Variants in CDK14 observed in about 807,000 individuals in gnomAD.
The protein encoded by CDK14 is cyclin dependent kinase 14.
In CDK14, 34 loss-of-function variants were observed where a neutral mutation model predicts 60.7. The observed-to-expected ratio is 0.56, with a 90% confidence interval of 0.43 to 0.75. The LOEUF (loss-of-function observed/expected upper bound fraction) is 0.75. Among genes scored for constraint, CDK14 ranks in the 30% least tolerant of loss-of-function variants. CDK14 has a pLI of 0.00. For missense variants in CDK14, 482 were observed against 564.1 expected (o/e 0.85, Z 1.47); for synonymous variants, 197 against 203.7 (o/e 0.97, Z 0.28).
At chr7:90,917,162 A>G (rs1793107237) in intron 7 of CDK14, among the ~76,000 whole-genome samples, 2 of 152,172 alleles carry the variant, frequency 1.3e-5, no homozygotes, top group Admixed American at 1.3e-4. Context: ...TACCATGTTC[A>G]TGTTGTTTCT....
intron 10 of CDK14, among the ~76,000 whole-genome samples, chr7:90,993,357 C>CT (rs1008665518): frequency 6.6e-6 from 1 of 151,920 alleles, no homozygotes; most frequent in African/African-American, 2.4e-5. Flanking sequence ...ATTTTATAAT[C>CT]TAAGTATTTT....
At chr7:90,769,336 T>A (rs778421437) in intron 4 of CDK14, among the ~76,000 whole-genome samples, 25 of 152,220 alleles carry the variant, frequency 1.6e-4, no homozygotes, top group Non-Finnish European at 2.9e-4. Flanking sequence ...CTAGGTAGTT[T>A]ATTCTTCTAA....
intron 2 of CDK14, among the ~76,000 whole-genome samples, chr7:90,643,175 G>C (rs1407196480): frequency 1.3e-5 from 2 of 152,208 alleles, no homozygotes; most frequent in Non-Finnish European, 2.9e-5. Context: ...GACAAAGAGA[G>C]GGCATTCCTG....
intron 11 of CDK14, among the ~76,000 whole-genome samples, chr7:91,077,425 A>C (rs1798357054): frequency 2.0e-5 from 3 of 152,044 alleles, no homozygotes; most frequent in African/African-American, 7.2e-5. Context: ...CTGACTCGTA[A>C]GTGGGAATTT....
chr7:90,596,695 T>C lies in CDK14; in HGVS notation c.68T>C (p.Leu23Ser). ...IGKMKKLRRTLSESFSRIALK... is the reference protein window; with the variant it reads ...IGKMKKLRRTSSESFSRIALK... ...AAGATGAAGAAGTTGCGGAGAACTT[T>C]GTCGGAGAGTTTCAGTCGCATTGGT... Residue 23 changes from leucine to serine, a missense_variant, in exon 1 of 15, where the codon TTG (leucine) becomes TCG (serine). Physicochemically the swap from Leu to Ser is moderately radical, Grantham distance 145. Coordinates refer to ENST00000380050, the MANE Select transcript of CDK14 (RefSeq NM_001287135.2). The C allele has an allele frequency of 6.2e-7, 1 of 1,611,958 alleles. No individual in the cohort carries two copies. The highest frequency in any genetic ancestry group is 8.5e-7 in the Non-Finnish European group (1 of 1,179,320).
intron 9 of CDK14, among the ~76,000 whole-genome samples, chr7:90,975,298 T>C (rs1795036264): frequency 6.6e-6 from 1 of 151,948 alleles, no homozygotes; most frequent in Non-Finnish European, 1.5e-5. Context: ...TGCCATAGAG[T>C]ATATTATATA....
chr7:90,789,178 C>A (rs1275610963), intron 4 of CDK14, among the ~76,000 whole-genome samples: 1 of 152,116 alleles, frequency 6.6e-6, no homozygotes, highest in Non-Finnish European at 1.5e-5. Flanking sequence ...ACATAGCTAT[C>A]AACAGAGGAC....
At chr7:90,733,423 AT>A (rs779220935) in intron 3 of CDK14, among the ~76,000 whole-genome samples, 1 of 150,714 alleles carries the variant, frequency 6.6e-6, no homozygotes, top group Non-Finnish European at 1.5e-5. Flanking sequence ...TCTGTCTGAT[AT>A]TAAAGTTTCC....
intron 2 of CDK14, among the ~76,000 whole-genome samples, chr7:90,651,910 C>T (rs767267984): frequency 2.2e-4 from 34 of 152,052 alleles, no homozygotes; most frequent in Non-Finnish European, 4.1e-4. Flanking sequence ...AGTACTTATT[C>T]CTATGTATTT....
At chr7:90,649,595 T>C (rs1023078289) in intron 2 of CDK14, among the ~76,000 whole-genome samples, 1 of 151,566 alleles carries the variant, frequency 6.6e-6, no homozygotes, top group African/African-American at 2.4e-5. Context: ...TTTCTCCTAA[T>C]GCTCTCCCTC....
At chr7:90,795,946 T>C (rs1213624835) in intron 5 of CDK14, among the ~76,000 whole-genome samples, 1 of 152,154 alleles carries the variant, frequency 6.6e-6, no homozygotes, top group Admixed American at 6.6e-5. Flanking sequence ...TAGGATCACA[T>C]TGAAGTTGTT....
chr7:90,923,835 G>A (rs1207458072), intron 8 of CDK14, among the ~76,000 whole-genome samples: 1 of 152,228 alleles, frequency 6.6e-6, no homozygotes, highest in East Asian at 1.9e-4. Flanking sequence ...CATACTGGAT[G>A]TAAGTTAAAA....
chr7:90,646,422 A>C (rs11563819), intron 2 of CDK14, among the ~76,000 whole-genome samples: 50,878 of 151,726 alleles, frequency 0.34, 9,358 homozygotes, highest in East Asian at 0.67. Context: ...TTAGTTGAAA[A>C]GTAGCTATAA....
chr7:91,156,238 T>A (rs1475944895), intron 14 of CDK14, among the ~76,000 whole-genome samples: 1 of 152,236 alleles, frequency 6.6e-6, no homozygotes, highest in Admixed American at 6.5e-5. Context: ...AATTTCCCTA[T>A]AGACCTGGTC....
At position 90,866,666 on chromosome 7, in the gene CDK14, C is replaced by CT. The variant is rs1183060185; in HGVS notation, c.639+3404dup. ...ATATGTACATACTACAAATGTATTT[C>CT]TTTTTTTGGCTTTAAAGGAGAACTG... On this transcript the variant is annotated intron_variant, in intron 6 of 14. Transcript: ENST00000380050. Among the ~76,000 whole-genome samples, 3 of 151,898 alleles carry CT rather than the reference C, an allele frequency of 2.0e-5. No individual in the cohort carries two copies. The South Asian group carries it at 6.2e-4, about 32-fold the overall frequency.
chr7:91,071,093 C>G (rs1194192894), intron 11 of CDK14, among the ~76,000 whole-genome samples: 2 of 151,882 alleles, frequency 1.3e-5, no homozygotes, highest in East Asian at 3.8e-4. Flanking sequence ...AAAATAAATT[C>G]CAGATAGTAA....
intron 2 of CDK14, among the ~76,000 whole-genome samples, chr7:90,656,323 C>T (rs571986241): frequency 6.6e-6 from 1 of 152,076 alleles, no homozygotes; most frequent in East Asian, 1.9e-4. Context: ...TGCATGGTAG[C>T]CCAGAATCTT....
chr7:91,014,785 C>A (rs985422709), intron 10 of CDK14, among the ~76,000 whole-genome samples: 2 of 152,174 alleles, frequency 1.3e-5, no homozygotes, highest in South Asian at 2.1e-4. Context: ...ATGGTGCACG[C>A]CCCAGCATGG....
intron 2 of CDK14, among the ~76,000 whole-genome samples, chr7:90,609,431 G>A (rs1300495797): frequency 6.6e-6 from 1 of 152,162 alleles, no homozygotes; most frequent in Non-Finnish European, 1.5e-5. Flanking sequence ...TGATTGGATT[G>A]TGGGGGTGGA....
Sources: allele counts gnomAD v4.1 joint callset (sites outside exome capture counted in the v4.1 genomes callset), GRCh38; gene constraint gnomAD v4.1.1; transcripts MANE v1.5; gene names NCBI Gene and HGNC (gene_info 2026-07-23, HGNC 2026-07-21).